PDE8B: variants seen among roughly 807,000 people sequenced by gnomAD.
PDE8B encodes phosphodiesterase 8B.
In PDE8B, 26 loss-of-function variants were observed where a neutral mutation model predicts 101.3. That is an observed-to-expected ratio of 0.26 (90% CI 0.19 to 0.36). PDE8B has a LOEUF of 0.36. PDE8B is among the 10% of genes least tolerant of loss of function. The pLI is 1.00. For synonymous variants in PDE8B, 424 were observed against 429.3 expected, an observed-to-expected ratio of 0.99 and a Z score of 0.15; for missense variants, 810 against 1,163.1, an observed-to-expected ratio of 0.70 and a Z score of 4.42.
chr5:77,380,686 G>C (rs2150790055), intron 10 of PDE8B, among the ~76,000 whole-genome samples: 1 of 152,274 alleles, frequency 6.6e-6, no homozygotes, highest in South Asian at 2.1e-4. Context: ...TGTTAGCACT[G>C]GGTATACAAA....
chr5:77,285,652 A>G (rs999673722), intron 1 of PDE8B, among the ~76,000 whole-genome samples: 6 of 146,070 alleles, frequency 4.1e-5, no homozygotes, highest in African/African-American at 1.5e-4. Context: ...GCAAATTTGG[A>G]AAATTTCCCA....
At chr5:77,306,599 G>T (rs755344258) in intron 1 of PDE8B, among the ~76,000 whole-genome samples, 32 of 152,164 alleles carry the variant, frequency 2.1e-4, no homozygotes, top group Non-Finnish European at 4.4e-4. Context: ...GGGCTTTCCA[G>T]GTCAACTGCT....
the PDE8B span, among the ~76,000 whole-genome samples, chr5:77,185,177 T>C: frequency 5.6e-4 from 85 of 152,352 alleles, no homozygotes; most frequent in African/African-American, 1.9e-3. Context: ...TTTCAGTGTG[T>C]CCAGAAAGAG....
chr5:77,238,676 C>T (rs1206834793), intron 1 of PDE8B, among the ~76,000 whole-genome samples: 1 of 152,182 alleles, frequency 6.6e-6, no homozygotes, highest in East Asian at 1.9e-4. Flanking sequence ...AGAGAATTCT[C>T]ATGATCTGAC....
At chr5:77,226,264 G>C (rs569648551) in intron 1 of PDE8B, among the ~76,000 whole-genome samples, 1 of 152,028 alleles carries the variant, frequency 6.6e-6, no homozygotes, top group Non-Finnish European at 1.5e-5. Context: ...TGCCTTATTG[G>C]TAATTACATT....
At chr5:77,377,233 T>G (rs1038135444) in intron 10 of PDE8B, among the ~76,000 whole-genome samples, 6 of 152,134 alleles carry the variant, frequency 3.9e-5, no homozygotes, top group Non-Finnish European at 8.8e-5. Context: ...TGTCATTGAA[T>G]CCAGATTCTC....
rs1580870642 is a variant in PDE8B at position 77,298,337 on chromosome 5, A to G, written c.340-13657A>G. 2.6e-5 allele frequency among the ~76,000 whole-genome samples: 4 copies of G among 152,238 alleles called. No homozygotes were observed. The South Asian group carries it at 6.3e-4, about 24-fold the overall frequency. On this transcript the variant is annotated intron_variant, in intron 1 of 21. Transcript: ENST00000264917. The stretch of plus-strand genomic sequence containing the variant: ...GCTGTGGGCTCAGCCACAGAACATC[A>G]TGGCCTCTGTTACCCTAAGTTTCTT...
the PDE8B span, among the ~76,000 whole-genome samples, chr5:77,156,188 A>G: frequency 3.3e-5 from 5 of 152,184 alleles, no homozygotes; most frequent in African/African-American, 1.2e-4. Flanking sequence ...TAGAGGGAAG[A>G]TATTTTGAGA....
chr5:77,296,818 T>C (rs1768681525), intron 1 of PDE8B, among the ~76,000 whole-genome samples: 1 of 152,152 alleles, frequency 6.6e-6, no homozygotes, highest in Non-Finnish European at 1.5e-5. Context: ...TGTTTCCCCT[T>C]TTCTTCTCTT....
At chr5:77,290,315 G>A (rs1767001263) in intron 1 of PDE8B, 2 of 1,532,964 alleles carry the variant, frequency 1.3e-6, no homozygotes, top group South Asian at 2.3e-5. Context: ...GGCTGAAAGA[G>A]GTGGGGCTCC....
At chr5:77,400,711 C>T (rs1792083073) in intron 11 of PDE8B, among the ~76,000 whole-genome samples, 1 of 152,120 alleles carries the variant, frequency 6.6e-6, no homozygotes, top group Non-Finnish European at 1.5e-5. Flanking sequence ...TAGGTCCTGG[C>T]CTGGGAGGCA....
intron 1 of PDE8B, among the ~76,000 whole-genome samples, chr5:77,221,090 T>C (rs977244052): frequency 6.6e-6 from 1 of 152,222 alleles, no homozygotes; most frequent in Non-Finnish European, 1.5e-5. Context: ...CTAGAACTGT[T>C]TTTAAAAATA....
the PDE8B span, among the ~76,000 whole-genome samples, chr5:77,106,543 A>G: frequency 2.6e-5 from 4 of 152,276 alleles, no homozygotes; most frequent in East Asian, 5.8e-4. Flanking sequence ...TGATTGCTAT[A>G]GTTTTATAGA....
At chr5:77,183,168 G>T in the PDE8B span, among the ~76,000 whole-genome samples, 9 of 151,850 alleles carry the variant, frequency 5.9e-5, no homozygotes, top group South Asian at 1.9e-3. Flanking sequence ...TGTCCAGGCT[G>T]TAGTACAGTG....
At chr5:77,378,484 A>G (rs941223197) in intron 10 of PDE8B, among the ~76,000 whole-genome samples, 31 of 130,156 alleles carry the variant, frequency 2.4e-4, no homozygotes, top group Non-Finnish European at 4.0e-4. Flanking sequence ...AAAAAAAAAA[A>G]GGGCATGTAC....
intron 17 of PDE8B, among the ~76,000 whole-genome samples, chr5:77,417,889 T>C (rs1456736560): frequency 1.3e-5 from 2 of 152,174 alleles, no homozygotes; most frequent in Admixed American, 6.5e-5. Context: ...AAATTGGTAA[T>C]AGTTGTGATC....
At chr5:77,161,331 C>A in the PDE8B span, among the ~76,000 whole-genome samples, 12 of 152,104 alleles carry the variant, frequency 7.9e-5, no homozygotes, top group African/African-American at 2.9e-4. Flanking sequence ...TTTTGAGGCT[C>A]ACCCATGCTG....
At chr5:77,154,899 A>G in the PDE8B span, among the ~76,000 whole-genome samples, 1 of 152,202 alleles carries the variant, frequency 6.6e-6, no homozygotes, top group Admixed American at 6.5e-5. Context: ...TAAGTTGTCA[A>G]AGAATCATGG....
the PDE8B span, among the ~76,000 whole-genome samples, chr5:77,189,632 C>T: frequency 6.4e-4 from 97 of 152,244 alleles, 2 homozygotes; most frequent in South Asian, 0.017. Context: ...AGGAGCATGT[C>T]GGCATGCCCA....
Sources: gnomAD v4.1 joint callset for allele counts (sites outside exome capture counted in the v4.1 genomes callset) on GRCh38, gnomAD v4.1.1 for gene constraint, MANE v1.5 for transcripts, NCBI Gene and HGNC (gene_info 2026-07-23, HGNC 2026-07-21) for gene names.